SYN3: variants seen among roughly 807,000 people sequenced by gnomAD.
SYN3 encodes synapsin-3.
Under a neutral mutation model 65.8 loss-of-function variants are expected in SYN3, and 35 were observed. The ratio of observed to expected loss-of-function variants is 0.53; its 90% CI spans 0.41 to 0.70. The LOEUF (loss-of-function observed/expected upper bound fraction) is 0.70, where lower values mean the gene tolerates loss of function less well. SYN3 is among the 30% of genes least tolerant of loss of function. The pLI, the probability that SYN3 is intolerant of heterozygous loss-of-function variation, is 0.00. For synonymous variants in SYN3, 270 were observed against 292.9 expected (o/e 0.92, Z 0.80); for missense variants, 680 against 749.0 (o/e 0.91, Z 1.08).
At chr22:32,883,448 T>C (rs1233647943) in intron 4 of SYN3, among the ~76,000 whole-genome samples, 1 of 152,200 alleles carries the variant, frequency 6.6e-6, no homozygotes, top group African/African-American at 2.4e-5. Flanking sequence ...TGTTTACTGG[T>C]TTGGCAGCTG....
At chr22:32,771,536 T>TA (rs1396458958) in intron 6 of SYN3, among the ~76,000 whole-genome samples, 3 of 152,216 alleles carry the variant, frequency 2.0e-5, no homozygotes, top group African/African-American at 4.8e-5. Flanking sequence ...TTAGGCCAGT[T>TA]ACTTGATCTT....
At chr22:32,975,439 T>A (rs1051542688) in intron 3 of SYN3, among the ~76,000 whole-genome samples, 2 of 151,688 alleles carry the variant, frequency 1.3e-5, no homozygotes, top group African/African-American at 4.8e-5. Context: ...ACTCAGCCCA[T>A]CAGCTTAAGG....
intron 6 of SYN3, among the ~76,000 whole-genome samples, chr22:32,605,080 G>A (rs1478878837): frequency 1.3e-5 from 2 of 151,484 alleles, no homozygotes; most frequent in African/African-American, 4.9e-5. Flanking sequence ...CCCCATAGGT[G>A]GTCTGAGGAC....
intron 4 of SYN3, among the ~76,000 whole-genome samples, chr22:32,899,461 A>G (rs565621301): frequency 2.0e-4 from 30 of 152,290 alleles, no homozygotes; most frequent in African/African-American, 7.2e-4. Flanking sequence ...ACTTTCATAC[A>G]ACTGAGAAAA....
intron 6 of SYN3, among the ~76,000 whole-genome samples, chr22:32,704,189 T>C (rs912870872): frequency 6.4e-4 from 97 of 152,150 alleles, no homozygotes; most frequent in African/African-American, 2.2e-3. Context: ...TACCTTATGT[T>C]TATTCCTTCT....
At chr22:32,833,832 A>G (rs1382860772) in intron 6 of SYN3, 1 of 501,960 alleles carries the variant, frequency 2.0e-6, no homozygotes, top group Non-Finnish European at 4.0e-6. Flanking sequence ...AAATCCACGG[A>G]AAGCATTTAG....
At chr22:32,545,017 T>C (rs2058316113) in intron 7 of SYN3, among the ~76,000 whole-genome samples, 1 of 152,212 alleles carries the variant, frequency 6.6e-6, no homozygotes, top group African/African-American at 2.4e-5. Flanking sequence ...TTCATACCGC[T>C]GTGTGGCCAC....
chr22:32,644,395 C>T (rs943038858), intron 6 of SYN3, among the ~76,000 whole-genome samples: 1 of 151,954 alleles, frequency 6.6e-6, no homozygotes, highest in Non-Finnish European at 1.5e-5. Context: ...TCCACCAGTC[C>T]CTGAAGGCAC....
intron 4 of SYN3, among the ~76,000 whole-genome samples, chr22:32,889,795 TG>T (rs1411557592): frequency 6.6e-6 from 1 of 152,124 alleles, no homozygotes; most frequent in Non-Finnish European, 1.5e-5. Flanking sequence ...CAAAGACTTC[TG>T]GGGAAAATGC....
In SYN3 at chr22:32,572,464, CTTCT is replaced by C. The variant is rs1329367722; in HGVS notation, c.774+24206_774+24209del. Reference sequence around the variant, plus strand: ...CCTCCTTCCTTTCCTCCCTTCCTTCCTTCTTTCTCCTTCCCTCCCTTCCTTTTCT... The same window carrying C: ...CCTCCTTCCTTTCCTCCCTTCCTTCCTTCTCCTTCCCTCCCTTCCTTTTCT... On this transcript the variant is annotated intron_variant, in intron 7 of 13. Coordinates refer to ENST00000358763, the MANE Select transcript of SYN3 (RefSeq NM_003490.4). Among the ~76,000 whole-genome samples the C allele has an allele frequency of 4.5e-4, 50 of 112,258 alleles. 1 individual carries two copies. The highest frequency in any genetic ancestry group is 1.5e-3 in the African/African-American group (47 of 30,376). 73.6% of individuals were successfully genotyped at this position (112,258 alleles called of 152,430 possible). A position where few individuals can be genotyped will look rare whatever the true frequency, so the allele number is the denominator to read the frequency against.
chr22:32,818,334 T>A (rs758464414), intron 6 of SYN3, among the ~76,000 whole-genome samples: 24 of 152,074 alleles, frequency 1.6e-4, no homozygotes, highest in Non-Finnish European at 2.6e-4. Flanking sequence ...GCACTCACAT[T>A]TAGAATGGGG....
At chr22:32,601,108 G>T (rs1426817676) in intron 6 of SYN3, among the ~76,000 whole-genome samples, 3 of 152,198 alleles carry the variant, frequency 2.0e-5, no homozygotes, top group African/African-American at 7.2e-5. Flanking sequence ...TGTGTTCATT[G>T]CTAGAAATTG....
At chr22:32,775,343 A>C (rs2045883383) in intron 6 of SYN3, among the ~76,000 whole-genome samples, 1 of 152,124 alleles carries the variant, frequency 6.6e-6, no homozygotes, top group Non-Finnish European at 1.5e-5. Flanking sequence ...CTGGAGGTTG[A>C]GGCTTCAACA....
Position 32,718,379 on chromosome 22 carries a change from A to C in SYN3, c.712-121643T>G, listed in dbSNP as rs1601972641. Among the ~76,000 whole-genome samples, 3 of 152,192 alleles carry C rather than the reference A, an allele frequency of 2.0e-5. No homozygotes were observed. The Middle Eastern group carries it at 0.01, about 518-fold the overall frequency. On this transcript the variant is annotated intron_variant, in intron 6 of 13. Coordinates refer to ENST00000358763, the MANE Select transcript of SYN3 (RefSeq NM_003490.4). Reference sequence around the variant, plus strand: ...TCTGACCTCAATGCTCTGCCAAGGGAAAGACTCCAAACTGCTTCTTTGAGC... The same window carrying C: ...TCTGACCTCAATGCTCTGCCAAGGGCAAGACTCCAAACTGCTTCTTTGAGC...
At chr22:32,849,094 C>T (rs1259667506) in intron 6 of SYN3, among the ~76,000 whole-genome samples, 1 of 152,076 alleles carries the variant, frequency 6.6e-6, no homozygotes, top group Non-Finnish European at 1.5e-5. Flanking sequence ...GTCAGATGGA[C>T]AAGGGAGGGG....
intron 6 of SYN3, among the ~76,000 whole-genome samples, chr22:32,659,797 T>G (rs966105420): frequency 2.0e-5 from 3 of 152,146 alleles, no homozygotes; most frequent in Admixed American, 6.5e-5. Context: ...AGGTGGCAAG[T>G]TGGCCCGCCC....
chr22:32,997,669 C>G (rs1461407199), intron 2 of SYN3, among the ~76,000 whole-genome samples: 1 of 152,124 alleles, frequency 6.6e-6, no homozygotes, highest in African/African-American at 2.4e-5. Context: ...TGTAAATGCT[C>G]CCACAACAGC....
chr22:32,678,176 G>A (rs1022016473), intron 6 of SYN3, among the ~76,000 whole-genome samples: 2 of 152,184 alleles, frequency 1.3e-5, no homozygotes, highest in Non-Finnish European at 2.9e-5. Flanking sequence ...ATTGGGTGTT[G>A]TAATGGTCAC....
At position 32,726,661 on chromosome 22, in the gene SYN3, G is replaced by A. The variant is rs2061199024; in HGVS notation, c.712-129925C>T. ...GGGGGAGGGTGCTGGGATATGACAT[G>A]GGTTGGAGAAAAGAAGCTTGAACGG... On this transcript the variant is annotated intron_variant, in intron 6 of 13. Transcript: ENST00000358763. Among the ~76,000 whole-genome samples the A allele has an allele frequency of 3.3e-5, 5 of 152,296 alleles. No individual in the cohort carries two copies. The South Asian group carries it at 1.0e-3, about 32-fold the overall frequency.
Sources: allele counts gnomAD v4.1 joint callset (sites outside exome capture counted in the v4.1 genomes callset), GRCh38; gene constraint gnomAD v4.1.1; transcripts MANE v1.5; gene names NCBI Gene and HGNC (gene_info 2026-07-23, HGNC 2026-07-21).